Variants in PARD3B observed in about 807,000 individuals in gnomAD.
PARD3B encodes partitioning defective 3 homolog B.
In PARD3B, 103 loss-of-function variants were observed where a neutral mutation model predicts 130.2. The ratio of observed to expected loss-of-function variants is 0.79; its 90% confidence interval spans 0.67 to 0.93. PARD3B has a LOEUF of 0.93. Ranked by LOEUF, PARD3B falls within the 40% of genes least tolerant of loss-of-function variation. PARD3B has a pLI of 0.00. For synonymous variants in PARD3B, 583 were observed against 553.2 expected, an observed-to-expected ratio of 1.05 and a Z score of -0.76; for missense variants, 1,609 against 1,499.2, an observed-to-expected ratio of 1.07 and a Z score of -1.21.
At chr2:205,386,811 C>T (rs2045677087) in intron 18 of PARD3B, among the ~76,000 whole-genome samples, 1 of 151,928 alleles carries the variant, frequency 6.6e-6, no homozygotes, top group South Asian at 2.1e-4. Context: ...GATAGTGTGA[C>T]CTTAGGTAGG....
chr2:204,692,784 G>A (rs1467939216), intron 2 of PARD3B, among the ~76,000 whole-genome samples: 1 of 151,940 alleles, frequency 6.6e-6, no homozygotes, highest in Non-Finnish European at 1.5e-5. Flanking sequence ...TGAAATTTTA[G>A]CTCAGAATTT....
rs1218298456 is a variant in PARD3B, at chr2:205,556,614, T to TAAGA, written c.3260+3214_3260+3217dup. The stretch of plus-strand genomic sequence containing the variant: ...AAGCAATGTTAAATCTCCTGCCTCC[T>TAAGA]AAGAAAAATGACTTTACTTCTTTTC... On this transcript the variant is annotated intron_variant, in intron 22 of 22. Coordinates refer to ENST00000406610, the MANE Select transcript of PARD3B (RefSeq NM_001302769.2). Among the ~76,000 whole-genome samples, 8 of 152,232 alleles carry TAAGA rather than the reference T, an allele frequency of 5.3e-5. No homozygotes were observed. The East Asian group carries it at 1.3e-3, about 26-fold the overall frequency.
intron 2 of PARD3B, among the ~76,000 whole-genome samples, chr2:204,763,549 G>A (rs1475157581): frequency 6.6e-6 from 1 of 152,106 alleles, no homozygotes; most frequent in Non-Finnish European, 1.5e-5. Flanking sequence ...ATTAAAAAAA[G>A]GAAAATTGAT....
intron 1 of PARD3B, among the ~76,000 whole-genome samples, chr2:204,589,889 C>T (rs537480370): frequency 1.6e-3 from 250 of 152,224 alleles, no homozygotes; most frequent in Admixed American, 3.5e-3. Flanking sequence ...TAAGACCAGG[C>T]CCAGTGAGCA....
intron 2 of PARD3B, among the ~76,000 whole-genome samples, chr2:204,812,909 G>A (rs1434873180): frequency 6.6e-6 from 1 of 151,968 alleles, no homozygotes; most frequent in African/African-American, 2.4e-5. Context: ...AGGGGTAGGG[G>A]GTCTCCTGCC....
At chr2:205,231,735 A>G (rs73067198) in intron 15 of PARD3B, among the ~76,000 whole-genome samples, 23,963 of 152,176 alleles carry the variant, frequency 0.16, 2,186 homozygotes, top group African/African-American at 0.25. Context: ...GAGTCTAAGA[A>G]ATGGAGCTAT....
intron 2 of PARD3B, among the ~76,000 whole-genome samples, chr2:204,869,318 C>T (rs1471628356): frequency 4.6e-5 from 7 of 152,204 alleles, no homozygotes; most frequent in South Asian, 2.1e-4. Context: ...ACTGTTCTTT[C>T]GCTCCTCCTT....
rs1235192118 is a variant in PARD3B at position 205,351,721 on chromosome 2, T to G, written c.2631-49292T>G. Among the ~76,000 whole-genome samples the G allele has an allele frequency of 6.6e-6, 1 of 152,030 alleles. No homozygotes were observed. The highest frequency in any genetic ancestry group is 2.4e-5 in the African/African-American group (1 of 41,396). On this transcript the variant is annotated intron_variant, in intron 18 of 22. Coordinates refer to ENST00000406610, the MANE Select transcript of PARD3B (RefSeq NM_001302769.2). The surrounding 1 kb of genome is among the most constrained non-coding windows in gnomAD (Gnocchi z 4.2). ...TATATGATTTTAACTCTAGAATTGC[T>G]AAAGGTAGCTCTGTGAGTAAGGTGG...
chr2:204,567,146 C>A lies in PARD3B; in HGVS notation c.120+21027C>A, dbSNP rs541033339. Reference sequence around the variant, plus strand: ...TGCAACCCCTTAGCCTCCCAAAGTGCTGGGATTACAGGCTTGAGCCACTGT... The same window carrying A: ...TGCAACCCCTTAGCCTCCCAAAGTGATGGGATTACAGGCTTGAGCCACTGT... On this transcript the variant is annotated intron_variant, in intron 1 of 22. Transcript: ENST00000406610. Among the ~76,000 whole-genome samples the A allele has an allele frequency of 2.0e-5, 3 of 152,286 alleles. No individual in the cohort carries two copies. The South Asian group carries it at 6.2e-4, about 32-fold the overall frequency.
intron 2 of PARD3B, among the ~76,000 whole-genome samples, chr2:204,940,836 A>T (rs530298525): frequency 1.3e-5 from 2 of 152,142 alleles, no homozygotes; most frequent in Non-Finnish European, 2.9e-5. Flanking sequence ...ATGGTACTCA[A>T]TGTTGCAGGA....
chr2:205,151,593 T>TTTTGTTTG (rs543477247), intron 10 of PARD3B, among the ~76,000 whole-genome samples: 3 of 152,158 alleles, frequency 2.0e-5, no homozygotes, highest in African/African-American at 7.2e-5. Context: ...ACCCCTGCTT[T>TTTTGTTTG]TTTGTTTGTT....
In PARD3B at chr2:204,590,392, A is replaced by G. The variant is rs116025681; in HGVS notation, c.120+44273A>G. 2.6e-3 allele frequency among the ~76,000 whole-genome samples: 401 copies of G among 152,296 alleles called. 1 individual carries two copies. Among genetic ancestry groups the G allele is most frequent in the African/African-American group, 8.9e-3 (372 of 41,570 alleles). On this transcript the variant is annotated intron_variant, in intron 1 of 22. Coordinates refer to ENST00000406610, the MANE Select transcript of PARD3B (RefSeq NM_001302769.2). ...CACAGATGCGCAGTTTGTAACAGTG[A>G]TTGTAAAGGATGTGCAAAGAAACGT...
intron 21 of PARD3B, among the ~76,000 whole-genome samples, chr2:205,510,575 A>G (rs181320365): frequency 2.0e-4 from 30 of 152,236 alleles, no homozygotes; most frequent in Admixed American, 3.3e-4. Context: ...TTTTCCTTCA[A>G]AAGTACATTC....
chr2:205,597,472 G>A (rs1232313563), intron 22 of PARD3B, among the ~76,000 whole-genome samples: 1 of 152,138 alleles, frequency 6.6e-6, no homozygotes, highest in African/African-American at 2.4e-5. Context: ...ATTGTGAATA[G>A]CATTGTAATA....
rs2030919472 is a variant in PARD3B at position 205,122,901 on chromosome 2, C to T, written c.1165+952C>T. Among the ~76,000 whole-genome samples the T allele has an allele frequency of 6.6e-6, 1 of 152,128 alleles. No individual in the cohort carries two copies. The highest frequency in any genetic ancestry group is 6.6e-5 in the Admixed American group (1 of 15,266). On this transcript the variant is annotated intron_variant, in intron 8 of 22. Transcript: ENST00000406610. This position sits in a 1 kb window ranked among gnomAD's most constrained non-coding sequence, Gnocchi z 4.3. The stretch of plus-strand genomic sequence containing the variant: ...GTAGGTACAAAAATACTTCAGTGTG[C>T]TTATCAATCAGGTTTTTTATTTAAA...
chr2:204,590,248 A>G (rs1433753521), intron 1 of PARD3B, among the ~76,000 whole-genome samples: 1 of 152,132 alleles, frequency 6.6e-6, no homozygotes, highest in African/African-American at 2.4e-5. Flanking sequence ...TGTCTCTTTT[A>G]TAAGGGCACT....
At chr2:205,109,921 A>G (rs539237300) in intron 5 of PARD3B, among the ~76,000 whole-genome samples, 3 of 152,128 alleles carry the variant, frequency 2.0e-5, no homozygotes, top group South Asian at 2.1e-4. Context: ...CCCAAAGTAC[A>G]GGGATTACAG....
At chr2:204,951,010 A>G (rs1689722274) in intron 2 of PARD3B, among the ~76,000 whole-genome samples, 1 of 152,164 alleles carries the variant, frequency 6.6e-6, no homozygotes, top group Non-Finnish European at 1.5e-5. Flanking sequence ...TAGCCAGCCT[A>G]TCTTCTCCTT....
intron 22 of PARD3B, among the ~76,000 whole-genome samples, chr2:205,610,716 T>C (rs2055199856): frequency 1.3e-5 from 2 of 152,128 alleles, no homozygotes; most frequent in Admixed American, 1.3e-4. Flanking sequence ...CCTGATAAAA[T>C]TTACAGTCAT....
Sources: gnomAD v4.1 joint callset for allele counts (sites outside exome capture counted in the v4.1 genomes callset) on GRCh38, gnomAD v4.1.1 for gene constraint, Gnocchi (gnomAD v3.1) non-coding constraint, MANE v1.5 for transcripts, NCBI Gene and HGNC (gene_info 2026-07-23, HGNC 2026-07-21) for gene names.